Variants in MCM10 observed in about 807,000 individuals in gnomAD.
MCM10 encodes the protein minichromosome maintenance 10 replication initiation factor.
MCM10 carries 91 observed loss-of-function variants against 109.9 expected under a neutral mutation model. The ratio of observed to expected loss-of-function variants is 0.83; its 90% CI spans 0.70 to 0.99. The LOEUF (loss-of-function observed/expected upper bound fraction) is 0.99, where lower values mean the gene tolerates loss of function less well. Ranked by LOEUF, MCM10 falls within the 50% of genes least tolerant of loss-of-function variation. The pLI is 0.00. For synonymous variants in MCM10, 380 were observed against 387.2 expected (o/e 0.98, Z 0.22); for missense variants, 1,077 against 1,061.2 (o/e 1.01, Z -0.21).
intron 9 of MCM10, 138 bp from the exon 10 acceptor site, chr10:13,188,743 G>A: frequency 1.3e-6 from 1 of 754,840 alleles, no homozygotes; most frequent in South Asian, 1.5e-5. Context: ...CTTCCACATT[G>A]GGAACGGTCG....
chr10:13,168,184 C>A (rs1040365228), intron 2 of MCM10, among the ~76,000 whole-genome samples: 1 of 152,230 alleles, frequency 6.6e-6, no homozygotes, highest in African/African-American at 2.4e-5. Flanking sequence ...GTGGAGGCCT[C>A]TTTGCTTCCT....
intron 14 of MCM10, among the ~76,000 whole-genome samples, chr10:13,196,178 C>A (rs1008943653): frequency 2.0e-5 from 3 of 151,768 alleles, no homozygotes; most frequent in African/African-American, 7.3e-5. Flanking sequence ...AGTGCTGGGA[C>A]TACAGGCATG....
chr10:13,196,999 ACTGAAACCTC>A (rs1834430229), intron 14 of MCM10, among the ~76,000 whole-genome samples: 1 of 152,032 alleles, frequency 6.6e-6, no homozygotes, highest in Non-Finnish European at 1.5e-5. Context: ...ATCACAGCTC[ACTGAAACCTC>A]CATCTCCCTG....
chr10:13,189,615 TC>T (rs1448858015), intron 10 of MCM10, among the ~76,000 whole-genome samples: 1 of 152,134 alleles, frequency 6.6e-6, no homozygotes, highest in Non-Finnish European at 1.5e-5. Context: ...GAGCCACTGC[TC>T]CCAGCCCCTC....
In MCM10 at chr10:13,195,155, G is replaced by C; in HGVS notation, c.1860G>C (p.Pro620=). ...AGTTCCCCAGGCTGGAGGGAGCCCCGGCCACAATGACGCCCAAGCTGGGGC... is the reference window on the plus strand; with the variant it reads ...AGTTCCCCAGGCTGGAGGGAGCCCCCGCCACAATGACGCCCAAGCTGGGGC... ...GSEFPRLEGA[P]ATMTPKLGRG... Residue 620 remains proline (P), a synonymous_variant, in exon 14 of 20, where the codon CCG becomes CCC. Transcript: ENST00000378714. The C allele has an allele frequency of 1.2e-6, 2 of 1,614,066 alleles. No individual in the cohort carries two copies. The highest frequency in any genetic ancestry group is 2.2e-5 in the South Asian group (2 of 91,068).
At chr10:13,183,127 T>G (rs777893708) in intron 8 of MCM10, 27 bp downstream of exon 8, 1 of 1,603,274 alleles carries the variant, frequency 6.2e-7, no homozygotes, top group South Asian at 1.1e-5. Context: ...GGGATTTGAT[T>G]GATGATTGTC....
At chr10:13,178,378 G>A (rs941557819) in intron 6 of MCM10, among the ~76,000 whole-genome samples, 2 of 152,128 alleles carry the variant, frequency 1.3e-5, no homozygotes, top group African/African-American at 2.4e-5. Context: ...CGTGAGCCAC[G>A]GTGCCCAGCC....
intron 18 of MCM10, among the ~76,000 whole-genome samples, chr10:13,205,206 T>C (rs187692460): frequency 6.6e-6 from 1 of 152,058 alleles, no homozygotes; most frequent in East Asian, 1.9e-4. Context: ...CTCCCACCCT[T>C]CGGTGTCTAT....
In MCM10 at chr10:13,164,217, C is replaced by T. The variant is rs773180981; in HGVS notation, c.7+8C>T. The T allele has an allele frequency of 1.1e-5, 18 of 1,596,228 alleles. No individual in the cohort carries two copies. The highest frequency in any genetic ancestry group is 1.4e-5 in the Non-Finnish European group (17 of 1,175,174). On this transcript the variant is annotated splice_region_variant and intron_variant, in intron 2 of 19. Coordinates refer to ENST00000378714, the MANE Select transcript of MCM10 (RefSeq NM_018518.5). The stretch of plus-strand genomic sequence containing the variant: ...CTCTTGACAGCATGGATGGTAAGAC[C>T]TGGCAGTTTTCTGTTACTCTGTTTC...
At chr10:13,171,689 A>G (rs979568353) in intron 3 of MCM10, among the ~76,000 whole-genome samples, 3 of 152,224 alleles carry the variant, frequency 2.0e-5, no homozygotes, top group East Asian at 1.9e-4. Context: ...GTAAAATTCA[A>G]TGGTTAGCTG....
At chr10:13,209,014 G>C in intron 18 of MCM10, 77 bp from the exon 19 acceptor site, 2 of 993,666 alleles carry the variant, frequency 2.0e-6, no homozygotes, top group South Asian at 2.6e-5. Flanking sequence ...ACTCTCCCCA[G>C]GTGCAGTGAG....
rs758669615 is a variant in MCM10 at position 13,175,675 on chromosome 10, G to A, written c.758G>A (p.Arg253Gln). 3 of 1,601,338 alleles carry A rather than the reference G, an allele frequency of 1.9e-6. No homozygotes were observed. Among genetic ancestry groups the A allele is most frequent in the South Asian group, 2.2e-5 (2 of 89,462 alleles). ...PICVEAFSGL[R>Q]LRRPRVSSTE... ...TGTGTGGAAGCCTTCTCTGGTCTGC[G>A]GCTCAGGTCAGTAGCTAAACCATCT... Residue 253 changes from arginine (R) to glutamine (Q), a missense_variant, in exon 6 of 20, where the codon CGG (arginine) becomes CAG (glutamine). Physicochemically the swap from Arg to Gln is conservative, Grantham distance 43. Coordinates refer to ENST00000378714, the MANE Select transcript of MCM10 (RefSeq NM_018518.5).
Position 13,197,753 on chromosome 10 carries a change from T to C in MCM10, c.2105T>C (p.Met702Thr). 6.2e-7 allele frequency: 1 copy of C among 1,611,776 alleles called. No homozygotes were observed. The highest frequency in any genetic ancestry group is 8.5e-7 in the Non-Finnish European group (1 of 1,179,514). The change falls in exon 15 of 20, where the codon ATG (methionine) becomes ACG (threonine). Residue 702 changes from methionine (M) to threonine (T), a missense_variant. Transcript: ENST00000378714. The part of the protein sequence containing the change: ...EVKERVEKNT[M>T]FSSQAEDELE... ...AAGGAACGTGTAGAAAAAAACACCA[T>C]GTTTTCTTCTCAAGGTACTGCAGTT...
At chr10:13,185,049 T>C (rs1266215643) in intron 8 of MCM10, among the ~76,000 whole-genome samples, 1 of 152,050 alleles carries the variant, frequency 6.6e-6, no homozygotes, top group Non-Finnish European at 1.5e-5. Flanking sequence ...GGAGTATGCA[T>C]CCGGGAGACA....
rs1188194470 is a variant in MCM10 at position 13,189,042 on chromosome 10, C to T, written c.1377C>T (p.Tyr459=). The change falls in exon 10 of 20, where the codon TAC becomes TAT. Residue 459 remains tyrosine, a synonymous_variant. Coordinates refer to ENST00000378714, the MANE Select transcript of MCM10 (RefSeq NM_018518.5). The part of the protein sequence containing the change: ...LKERLCQDGF[Y]YGGVSSASYA... ...AACGGCTGTGCCAAGATGGCTTTTA[C>T]TACGGAGGGGTTTCTTCTGCCTCGT... is the stretch of plus-strand genomic sequence containing the variant. The T allele has an allele frequency of 5.6e-6, 9 of 1,614,134 alleles. No individual in the cohort carries two copies. Among genetic ancestry groups the T allele is most frequent in the African/African-American group, 1.3e-5 (1 of 74,952 alleles).
At position 13,164,117 on chromosome 10, in the gene MCM10, C is replaced by A; in HGVS notation, c.-75-11C>A. 8.3e-7 allele frequency: 1 copy of A among 1,206,612 alleles called. No individual in the cohort carries two copies. The highest frequency in any genetic ancestry group is 1.2e-6 in the Non-Finnish European group (1 of 866,292). The allele number at this position is 1,206,612 out of a possible 1,614,324, so 74.7% of individuals were successfully genotyped here. ...ATTGAAAGTGACATTTCTAATATTG[C>A]TTTCACACAGCCAAGATTCTACATT... On this transcript the variant is annotated splice_polypyrimidine_tract_variant and intron_variant, in intron 1 of 19. Transcript: ENST00000378714.
chr10:13,179,523 G>A (rs1164567029), intron 6 of MCM10, among the ~76,000 whole-genome samples: 1 of 152,180 alleles, frequency 6.6e-6, no homozygotes, highest in East Asian at 1.9e-4. Context: ...TTAGCTCTGG[G>A]ACTTTCTGTT....
Position 13,197,650 on chromosome 10 carries a change from A to C in MCM10, c.2002A>C (p.Lys668Gln). 1 of 1,613,798 alleles carries C rather than the reference A, an allele frequency of 6.2e-7. No individual in the cohort carries two copies. The highest frequency in any genetic ancestry group is 1.7e-4 in the Middle Eastern group (1 of 6,060). ...KLAAITKLRA[K>Q]GQVLTKTNPN... ...AGCTGCTATCACCAAATTAAGGGCA[A>C]AAGGCCAGGTTCTTACAAAAACAAA... The change falls in exon 15 of 20, where the codon AAA (lysine) becomes CAA (glutamine). Residue 668 changes from lysine (K) to glutamine (Q), a missense_variant. By Grantham distance (53) the Lys-to-Gln change is moderately conservative (BLOSUM62 1). Coordinates refer to ENST00000378714, the MANE Select transcript of MCM10 (RefSeq NM_018518.5).
In MCM10 at chr10:13,186,947, G is replaced by T. The variant is rs149159363; in HGVS notation, c.1215+667G>T. Among the ~76,000 whole-genome samples, 437 of 152,304 alleles carry T rather than the reference G, an allele frequency of 2.9e-3. 4 individuals are homozygous for T. The highest frequency in any genetic ancestry group is 9.5e-3 in the African/African-American group (393 of 41,558). Reference sequence around the variant, plus strand: ...GCAGAGGTTTCAGTGAGCTGAGATCGCACTATTATACTCCAGCCTGGGCGA... The same window carrying T: ...GCAGAGGTTTCAGTGAGCTGAGATCTCACTATTATACTCCAGCCTGGGCGA... On this transcript the variant is annotated intron_variant, in intron 9 of 19. Coordinates refer to ENST00000378714, the MANE Select transcript of MCM10 (RefSeq NM_018518.5).
Sources: gnomAD v4.1 joint callset for allele counts (sites outside exome capture counted in the v4.1 genomes callset) on GRCh38, gnomAD v4.1.1 for gene constraint, MANE v1.5 for transcripts, NCBI Gene and HGNC (gene_info 2026-07-23, HGNC 2026-07-21) for gene names.